KCNMB2: variants seen among roughly 807,000 people sequenced by gnomAD.
KCNMB2 encodes calcium-activated potassium channel subunit beta-2.
Under a neutral mutation model 24.5 loss-of-function variants are expected in KCNMB2, and 9 were observed. The ratio of observed to expected loss-of-function variants is 0.37; its 90% CI spans 0.22 to 0.64. The LOEUF is 0.64. Among genes scored for constraint, KCNMB2 ranks in the 30% least tolerant of loss-of-function variants. The probability of loss-of-function intolerance (pLI) is 0.63; values close to 1 mark genes in which losing one functional copy is unlikely to be tolerated. For synonymous variants in KCNMB2, 109 were observed against 104.4 expected, an observed-to-expected ratio of 1.04 and a Z score of -0.27; for missense variants, 226 against 284.3, an observed-to-expected ratio of 0.79 and a Z score of 1.47.
intron 2 of KCNMB2, among the ~76,000 whole-genome samples, chr3:178,813,888 T>A (rs571941014): frequency 1.9e-4 from 29 of 152,346 alleles, no homozygotes; most frequent in Admixed American, 7.8e-4. Context: ...AGATAATTAA[T>A]GCTTTCATTA....
At chr3:178,723,936 T>G (rs1722886379) in intron 1 of KCNMB2, among the ~76,000 whole-genome samples, 1 of 152,144 alleles carries the variant, frequency 6.6e-6, no homozygotes, top group African/African-American at 2.4e-5. Flanking sequence ...AATAGTGCCA[T>G]GGTAAACATA....
At chr3:178,542,804 G>T (rs1029253275) in intron 1 of KCNMB2, among the ~76,000 whole-genome samples, 4 of 152,134 alleles carry the variant, frequency 2.6e-5, no homozygotes, top group Non-Finnish European at 5.9e-5. Context: ...TTCTAGACAC[G>T]CTGTATAATG....
chr3:178,740,452 G>T (rs561591707), intron 1 of KCNMB2, among the ~76,000 whole-genome samples: 1 of 152,116 alleles, frequency 6.6e-6, no homozygotes, highest in African/African-American at 2.4e-5. Flanking sequence ...GATATTAGCA[G>T]TTGGTTAGAT....
chr3:178,712,122 T>C (rs190884152), intron 1 of KCNMB2, among the ~76,000 whole-genome samples: 69 of 152,330 alleles, frequency 4.5e-4, no homozygotes, highest in Admixed American at 3.9e-3. Flanking sequence ...GGTCTCTACC[T>C]TAGCATGCCT....
intron 1 of KCNMB2, among the ~76,000 whole-genome samples, chr3:178,588,041 C>T (rs1009386448): frequency 2.0e-5 from 3 of 152,040 alleles, no homozygotes; most frequent in Non-Finnish European, 2.9e-5. Flanking sequence ...TTTCCGGCTT[C>T]ATCCATGTCC....
chr3:178,790,318 G>A (rs568918208), intron 1 of KCNMB2, among the ~76,000 whole-genome samples: 5 of 152,202 alleles, frequency 3.3e-5, no homozygotes, highest in African/African-American at 1.2e-4. Context: ...GGCTTTAAGT[G>A]TGACCCAGCA....
chr3:178,674,498 A>T (rs539192459), intron 1 of KCNMB2, among the ~76,000 whole-genome samples: 1 of 152,182 alleles, frequency 6.6e-6, no homozygotes, highest in Non-Finnish European at 1.5e-5. Context: ...CATCTAATCC[A>T]TCAGTACATT....
At chr3:178,549,584 C>T (rs1031362834) in intron 1 of KCNMB2, among the ~76,000 whole-genome samples, 1 of 151,598 alleles carries the variant, frequency 6.6e-6, no homozygotes, top group African/African-American at 2.4e-5. Context: ...GCCTCAGCCT[C>T]CCAGAGTGCT....
In KCNMB2 at chr3:178,721,296, G is replaced by A. The variant is rs181914383; in HGVS notation, c.-67-86047G>A. Reference sequence around the variant, plus strand: ...GATCAGATAGTTGTAGATATGCGGCGTTATTTCTGAGGGCTCTGTTCTGTT... The same window carrying A: ...GATCAGATAGTTGTAGATATGCGGCATTATTTCTGAGGGCTCTGTTCTGTT... On this transcript the variant is annotated intron_variant, in intron 1 of 4. Transcript: ENST00000452583. Among the ~76,000 whole-genome samples, 175 of 152,172 alleles carry A rather than the reference G, an allele frequency of 1.2e-3. 1 individual carries two copies. The Middle Eastern group carries it at 0.027, about 24-fold the overall frequency.
chr3:178,736,921 G>A (rs1392189865), intron 1 of KCNMB2, among the ~76,000 whole-genome samples: 1 of 152,150 alleles, frequency 6.6e-6, no homozygotes, highest in African/African-American at 2.4e-5. Flanking sequence ...AAAAGTTGAA[G>A]TAAGACTAGC....
chr3:178,720,033 G>T (rs554350745), intron 1 of KCNMB2, among the ~76,000 whole-genome samples: 1 of 151,710 alleles, frequency 6.6e-6, no homozygotes, highest in Non-Finnish European at 1.5e-5. Context: ...ACAACGTGCC[G>T]GTTAGTTACA....
intron 1 of KCNMB2, among the ~76,000 whole-genome samples, chr3:178,664,149 T>G (rs2108573971): frequency 6.6e-6 from 1 of 152,252 alleles, no homozygotes; most frequent in African/African-American, 2.4e-5. Context: ...TCAGAGAAGT[T>G]TCATGTGGTA....
intron 1 of KCNMB2, among the ~76,000 whole-genome samples, chr3:178,695,434 C>A (rs7642345): frequency 6.6e-6 from 1 of 152,088 alleles, no homozygotes; most frequent in Admixed American, 6.5e-5. Context: ...TTCTCCCCCA[C>A]GAAGTGGGTT....
intron 1 of KCNMB2, among the ~76,000 whole-genome samples, chr3:178,689,543 A>G (rs7427980): frequency 0.33 from 50,051 of 151,898 alleles, 9,001 homozygotes; most frequent in African/African-American, 0.48. Context: ...GGCTGAGGCA[A>G]GAGAATGGCG....
rs1717197342 is a variant in KCNMB2 at position 178,581,385 on chromosome 3, T to C, written c.-68+44674T>C. On this transcript the variant is annotated intron_variant, in intron 1 of 4. Coordinates refer to ENST00000452583, the MANE Select transcript of KCNMB2 (RefSeq NM_181361.3). ...ATTAACTCAAGATGGATTAAAGTCT[T>C]AAACATAAGACCTAAAACCATAAAA... 2.0e-5 allele frequency among the ~76,000 whole-genome samples: 3 copies of C among 152,304 alleles called. No individual in the cohort carries two copies. The South Asian group carries it at 6.2e-4, about 32-fold the overall frequency.
intron 1 of KCNMB2, among the ~76,000 whole-genome samples, chr3:178,546,039 T>C (rs1384394604): frequency 2.6e-5 from 4 of 151,974 alleles, no homozygotes. Context: ...AACATAAAAA[T>C]AGAACAGCAC....
chr3:178,737,499 T>C (rs1467385935), intron 1 of KCNMB2, among the ~76,000 whole-genome samples: 1 of 152,208 alleles, frequency 6.6e-6, no homozygotes, highest in African/African-American at 2.4e-5. Flanking sequence ...CAGCACATTG[T>C]TAGTAGAATA....
At chr3:178,603,050 G>A (rs186820496) in intron 1 of KCNMB2, among the ~76,000 whole-genome samples, 9 of 152,154 alleles carry the variant, frequency 5.9e-5, no homozygotes, top group African/African-American at 2.2e-4. Flanking sequence ...TGTGATCAAG[G>A]TGTAGAACTG....
chr3:178,762,113 G>A (rs1560011329), intron 1 of KCNMB2, among the ~76,000 whole-genome samples: 2 of 152,184 alleles, frequency 1.3e-5, no homozygotes, highest in Non-Finnish European at 2.9e-5. Context: ...AGAGCTTGCA[G>A]TGAGCCGAGA....
Sources: allele counts gnomAD v4.1 joint callset (sites outside exome capture counted in the v4.1 genomes callset), GRCh38; gene constraint gnomAD v4.1.1; transcripts MANE v1.5; gene names NCBI Gene and HGNC (gene_info 2026-07-23, HGNC 2026-07-21).